APBA2: variants seen among roughly 807,000 people sequenced by gnomAD.
The protein encoded by APBA2 is amyloid-beta A4 precursor protein-binding family A member 2.
APBA2 carries 30 observed loss-of-function variants against 75.0 expected under a neutral mutation model. The observed-to-expected ratio is 0.40, with a 90% CI of 0.30 to 0.54. The LOEUF (loss-of-function observed/expected upper bound fraction) is 0.54, where lower values mean the gene tolerates loss of function less well. Among genes scored for constraint, APBA2 ranks in the 20% least tolerant of loss-of-function variants. The pLI, the probability that APBA2 is intolerant of heterozygous loss-of-function variation, is 0.49. For synonymous variants in APBA2, 444 were observed against 409.6 expected, an observed-to-expected ratio of 1.08 and a Z score of -1.01; for missense variants, 801 against 1,016.1, an observed-to-expected ratio of 0.79 and a Z score of 2.88.
At chr15:29,091,085 C>G (rs577400180) in intron 6 of APBA2, among the ~76,000 whole-genome samples, 1 of 152,296 alleles carries the variant, frequency 6.6e-6, no homozygotes, top group African/African-American at 2.4e-5. Flanking sequence ...GGTGTACCCT[C>G]TGAGAGACAG....
intron 2 of APBA2, among the ~76,000 whole-genome samples, chr15:28,956,786 C>T (rs1001240515): frequency 6.6e-5 from 10 of 152,186 alleles, no homozygotes; most frequent in East Asian, 1.9e-4. Flanking sequence ...ATGATTTTGA[C>T]GACTTCAGGT....
Position 29,045,071 on chromosome 15 carries a change from C to CTCTCTCTCTCTCTCTCTCTT in APBA2, c.-40-8755_-40-8754insTTCTCTCTCTCTCTCTCTCT, listed in dbSNP as rs1303635599. The stretch of plus-strand genomic sequence containing the variant: ...TTCCTCTCTCCCTCCCTCCCTCCTT[C>CTCTCTCTCTCTCTCTCTCTT]TCTCTCTCTCTCTCTCTCTCTCTCT... On this transcript the variant is annotated intron_variant, in intron 3 of 14. Coordinates refer to ENST00000683413, the MANE Select transcript of APBA2 (RefSeq NM_001353788.2). Among the ~76,000 whole-genome samples the CTCTCTCTCTCTCTCTCTCTT allele has an allele frequency of 3.7e-3, 372 of 100,252 alleles. 6 individuals carry two copies. Among genetic ancestry groups the CTCTCTCTCTCTCTCTCTCTT allele is most frequent in the African/African-American group, 0.034 (340 of 9,886 alleles). 65.8% of individuals were successfully genotyped at this position (100,252 alleles called of 152,430 possible).
At chr15:28,945,799 C>G (rs557144047) in intron 2 of APBA2, among the ~76,000 whole-genome samples, 1 of 152,160 alleles carries the variant, frequency 6.6e-6, no homozygotes, top group East Asian at 1.9e-4. Context: ...CAGGCGGTGC[C>G]GCTCCTTACA....
intron 2 of APBA2, among the ~76,000 whole-genome samples, chr15:28,954,454 G>A (rs16954812): frequency 0.031 from 4,645 of 152,078 alleles, 251 homozygotes; most frequent in African/African-American, 0.11. Flanking sequence ...CACCTTCTTC[G>A]TGTTGGTTCC....
intron 1 of APBA2, among the ~76,000 whole-genome samples, chr15:28,898,089 A>T (rs2032619572): frequency 1.3e-5 from 2 of 152,190 alleles, no homozygotes; most frequent in Admixed American, 1.3e-4. Context: ...GGACAGGGCC[A>T]GGTAAAGGAT....
rs756248251 is a variant in APBA2 at position 29,101,896 on chromosome 15, C to T, written c.1524+112C>T. 6 of 1,070,840 alleles carry T rather than the reference C, an allele frequency of 5.6e-6. No homozygotes were observed. In the Admixed American group the frequency reaches 9.9e-5, roughly 18 times the overall value. The allele number at this position is 1,070,840 out of a possible 1,614,324, so 66.3% of individuals were successfully genotyped here. ...CAGGTGGAAAGCCTCCATGCTGTTA[C>T]TGATGTTTCCAGTGGATCAGTGATC... On this transcript the variant is annotated intron_variant, in intron 10 of 14. Coordinates refer to ENST00000683413, the MANE Select transcript of APBA2 (RefSeq NM_001353788.2).
chr15:28,940,915 A>G lies in APBA2; in HGVS notation c.-95+19166A>G, dbSNP rs73366758. ...ACTATTAAAGTCAAAGTCCACGAGG[A>G]TAGTGTTAAAAGGACTCGTGAGCTC... On this transcript the variant is annotated intron_variant, in intron 2 of 14. Transcript: ENST00000683413. Among the ~76,000 whole-genome samples the G allele has an allele frequency of 5.2e-3, 798 of 152,356 alleles. 8 individuals are homozygous for G. The highest frequency in any genetic ancestry group is 0.018 in the African/African-American group (760 of 41,586).
At chr15:28,894,047 AC>A (rs2032308997) in intron 1 of APBA2, 1 of 152,182 alleles carries the variant, frequency 6.6e-6, no homozygotes, top group Admixed American at 6.5e-5. Context: ...CTAACTCCGT[AC>A]GTGTTACTCC....
At chr15:28,901,116 T>A (rs980943321) in intron 1 of APBA2, among the ~76,000 whole-genome samples, 3 of 152,176 alleles carry the variant, frequency 2.0e-5, no homozygotes, top group Non-Finnish European at 4.4e-5. Flanking sequence ...CAAGCTGGTG[T>A]CATGTGATGC....
intron 1 of APBA2, among the ~76,000 whole-genome samples, chr15:28,915,381 ATGCCCACCTCACACAC>A: frequency 7.1e-6 from 1 of 141,296 alleles, no homozygotes; most frequent in South Asian, 2.4e-4. Flanking sequence ...CACACACACC[ATGCCCACCTCACACAC>A]CACACATTCA....
Position 29,074,798 on chromosome 15 carries a change from C to T in APBA2, c.952-123C>T, listed in dbSNP as rs575741636. On this transcript the variant is annotated intron_variant, in intron 4 of 14. Transcript: ENST00000683413. ...ATAATTAAATAGACGTCTGCACACA[C>T]ACCTATACACATACAGACATACACA... 65 of 771,804 alleles carry T rather than the reference C, an allele frequency of 8.4e-5. No homozygotes were observed. In the African/African-American group the frequency reaches 9.7e-4, roughly 12 times the overall value. 47.8% of individuals were successfully genotyped at this position (771,804 alleles called of 1,614,324 possible).
Position 29,093,125 on chromosome 15 carries a change from G to A in APBA2, c.1120G>A (p.Ala374Thr). Residue 374 changes from alanine to threonine, a missense_variant, in exon 7 of 15, where the codon GCC becomes ACC. Ala to Thr is a moderately conservative substitution (Grantham distance 58, BLOSUM62 0). Around this residue, in one of 2 missense-constraint regions of APBA2, gnomAD observed 367 missense variants for 544.5 expected, o/e 0.67. Coordinates refer to ENST00000683413, the MANE Select transcript of APBA2 (RefSeq NM_001353788.2). ...EDLIDGIIFA[A>T]NYLGSTQLLS... ...CCTCATCGACGGGATCATCTTTGCTGCCAATTACCTGGGGTCCACCCAGCT... is the reference window on the plus strand; with the variant it reads ...CCTCATCGACGGGATCATCTTTGCTACCAATTACCTGGGGTCCACCCAGCT... 1 of 1,614,218 alleles carries A rather than the reference G, an allele frequency of 6.2e-7. No individual in the cohort carries two copies. The highest frequency in any genetic ancestry group is 8.5e-7 in the Non-Finnish European group (1 of 1,180,032).
At chr15:29,095,424 C>A (rs968111069) in intron 8 of APBA2, among the ~76,000 whole-genome samples, 2 of 76,368 alleles carry the variant, frequency 2.6e-5, no homozygotes, top group Non-Finnish European at 7.6e-5. Context: ...GAGCGAAACT[C>A]CATCTCAAAA....
chr15:29,008,695 C>G (rs1340399889), intron 3 of APBA2, among the ~76,000 whole-genome samples: 1 of 152,038 alleles, frequency 6.6e-6, no homozygotes, highest in Non-Finnish European at 1.5e-5. Flanking sequence ...GGTAACAGAG[C>G]GAGATCCCAT....
intron 1 of APBA2, among the ~76,000 whole-genome samples, chr15:28,900,205 A>C (rs2032767185): frequency 6.6e-6 from 1 of 152,188 alleles, no homozygotes; most frequent in Non-Finnish European, 1.5e-5. Flanking sequence ...GCCTGGACTC[A>C]GGCTTCTTCG....
intron 3 of APBA2, among the ~76,000 whole-genome samples, chr15:29,011,616 T>C (rs1595722296): frequency 1.3e-5 from 2 of 152,198 alleles, no homozygotes; most frequent in East Asian, 3.8e-4. Flanking sequence ...GTACTTTCGA[T>C]ATATTCATGA....
chr15:29,040,709 T>G (rs1468079548), intron 3 of APBA2, among the ~76,000 whole-genome samples: 1 of 152,160 alleles, frequency 6.6e-6, no homozygotes, highest in African/African-American at 2.4e-5. Flanking sequence ...TTCTCTACAT[T>G]CTCAACATTC....
At chr15:28,960,148 C>CAAAA (rs59345963) in intron 2 of APBA2, among the ~76,000 whole-genome samples, 2 of 93,192 alleles carry the variant, frequency 2.1e-5, no homozygotes, top group South Asian at 3.9e-4. Context: ...GACCTTGTTT[C>CAAAA]AAAAAAAAAA....
rs564154340 is a variant in APBA2 at position 29,044,975 on chromosome 15, T to C, written c.-40-8870T>C. Among the ~76,000 whole-genome samples the C allele has an allele frequency of 9.2e-5, 14 of 152,280 alleles. No individual in the cohort carries two copies. In the East Asian group the frequency reaches 2.7e-3, roughly 29 times the overall value. On this transcript the variant is annotated intron_variant, in intron 3 of 14. Transcript: ENST00000683413. ...TTCATAGGTGGCCATCTTCTTTCTG[T>C]GTCCACACATGGTGAAAGGGGCAAG...
Sources: allele counts gnomAD v4.1 joint callset (sites outside exome capture counted in the v4.1 genomes callset), GRCh38; gene constraint gnomAD v4.1.1; regional missense constraint gnomAD v4.1.1; transcripts MANE v1.5; gene names NCBI Gene and HGNC (gene_info 2026-07-23, HGNC 2026-07-21).